Variants in PGCKA1 observed in about 807,000 individuals in gnomAD.
PGCKA1 encodes PDCD10 and GCKIII kinases-associated protein 1.
the PGCKA1 span, among the ~76,000 whole-genome samples, chr4:37,529,010 TTTTAAC>T: frequency 6.6e-6 from 1 of 152,200 alleles, no homozygotes; most frequent in Non-Finnish European, 1.5e-5. Context: ...TGGTTAGAGA[TTTTAAC>T]TTTAACAACT....
chr4:37,497,585 A>G, the PGCKA1 span, among the ~76,000 whole-genome samples: 1 of 152,132 alleles, frequency 6.6e-6, no homozygotes, highest in Admixed American at 6.5e-5. Flanking sequence ...TGCAGGAGTA[A>G]GGTGGTATCG....
chr4:37,553,724 T>C, the PGCKA1 span, among the ~76,000 whole-genome samples: 1 of 152,252 alleles, frequency 6.6e-6, no homozygotes, highest in Non-Finnish European at 1.5e-5. Context: ...TGTTGTGTTA[T>C]AATATTATGC....
chr4:37,509,927 C>T, the PGCKA1 span, among the ~76,000 whole-genome samples: 11 of 138,206 alleles, frequency 8.0e-5, no homozygotes, highest in East Asian at 2.3e-4. Context: ...AGTCCAGCTT[C>T]GGCTGGGCAT....
At chr4:37,546,992 T>G in the PGCKA1 span, among the ~76,000 whole-genome samples, 1 of 152,198 alleles carries the variant, frequency 6.6e-6, no homozygotes. Context: ...ACGGCATGCC[T>G]TAATCGGCAC....
At chr4:37,456,127 G>C in the PGCKA1 span, among the ~76,000 whole-genome samples, 1 of 152,262 alleles carries the variant, frequency 6.6e-6, no homozygotes, top group East Asian at 1.9e-4. Flanking sequence ...AGACTTTGTA[G>C]GTGTGTAGAA....
At chr4:37,472,654 C>T in the PGCKA1 span, among the ~76,000 whole-genome samples, 1 of 152,120 alleles carries the variant, frequency 6.6e-6, no homozygotes, top group African/African-American at 2.4e-5. Context: ...TCATATTTCA[C>T]CCCTTTAATT....
the PGCKA1 span, chr4:37,590,099 A>C: frequency 1.9e-6 from 3 of 1,612,506 alleles, no homozygotes; most frequent in South Asian, 2.2e-5. Flanking sequence ...TATCTCTTTG[A>C]TCCAGTTCAA....
At chr4:37,469,349 C>T in the PGCKA1 span, among the ~76,000 whole-genome samples, 1 of 152,158 alleles carries the variant, frequency 6.6e-6, no homozygotes, top group Non-Finnish European at 1.5e-5. Context: ...TTTCAGTAAG[C>T]TTACATTGTT....
chr4:37,544,928 G>C, the PGCKA1 span, among the ~76,000 whole-genome samples: 1 of 151,436 alleles, frequency 6.6e-6, no homozygotes. Flanking sequence ...TATGATCTTG[G>C]GGGCACAACC....
At chr4:37,561,742 G>C in the PGCKA1 span, among the ~76,000 whole-genome samples, 1 of 152,118 alleles carries the variant, frequency 6.6e-6, no homozygotes, top group East Asian at 1.9e-4. Flanking sequence ...TTGCTCTCAG[G>C]GGAAATATGG....
the PGCKA1 span, among the ~76,000 whole-genome samples, chr4:37,510,998 A>G: frequency 6.6e-6 from 1 of 151,738 alleles, no homozygotes; most frequent in Non-Finnish European, 1.5e-5. Context: ...CCACAGACCC[A>G]CAGGGAGTAC....
the PGCKA1 span, among the ~76,000 whole-genome samples, chr4:37,498,641 T>C: frequency 6.6e-6 from 1 of 152,180 alleles, no homozygotes; most frequent in African/African-American, 2.4e-5. Flanking sequence ...GGTATATTCC[T>C]AAATATTTTA....
chr4:37,547,675 A>G, the PGCKA1 span, among the ~76,000 whole-genome samples: 7 of 152,234 alleles, frequency 4.6e-5, no homozygotes, highest in South Asian at 2.1e-4. Flanking sequence ...CACATAGACA[A>G]TTACACCTGG....
the PGCKA1 span, among the ~76,000 whole-genome samples, chr4:37,494,568 C>T: frequency 3.3e-5 from 5 of 152,138 alleles, no homozygotes; most frequent in Non-Finnish European, 7.4e-5. Context: ...CTATTATGAA[C>T]AGTGCTGCAG....
the PGCKA1 span, among the ~76,000 whole-genome samples, chr4:37,475,400 CCCTT>C: frequency 6.6e-6 from 1 of 152,126 alleles, no homozygotes; most frequent in Admixed American, 6.6e-5. Flanking sequence ...GAAGAATAAA[CCCTT>C]TAAATACAGG....
the PGCKA1 span, among the ~76,000 whole-genome samples, chr4:37,498,223 AT>A: frequency 3.3e-5 from 5 of 152,058 alleles, no homozygotes; most frequent in African/African-American, 7.2e-5. Flanking sequence ...GGCTATAAGT[AT>A]TTGGGTTTAT....
At chr4:37,568,140 A>G in the PGCKA1 span, among the ~76,000 whole-genome samples, 1 of 152,186 alleles carries the variant, frequency 6.6e-6, no homozygotes, top group Admixed American at 6.5e-5. Flanking sequence ...TCAGGTGCAC[A>G]GGGCCGGCAA....
At chr4:37,484,703 A>G in the PGCKA1 span, among the ~76,000 whole-genome samples, 3 of 152,234 alleles carry the variant, frequency 2.0e-5, no homozygotes, top group African/African-American at 7.2e-5. Context: ...CTTTATAGCA[A>G]TGAAAAAATG....
the PGCKA1 span, among the ~76,000 whole-genome samples, chr4:37,456,477 C>G: frequency 0.43 from 65,199 of 152,006 alleles, 14,856 homozygotes; most frequent in South Asian, 0.51. Flanking sequence ...AACTCTGACT[C>G]AGTGTTGTCA....
Sources: allele counts gnomAD v4.1 joint callset (sites outside exome capture counted in the v4.1 genomes callset), GRCh38; gene constraint gnomAD v4.1.1; transcripts MANE v1.5; gene names NCBI Gene and HGNC (gene_info 2026-07-23, HGNC 2026-07-21).